The following AGAP1 variants were observed in gnomAD, a reference collection of about 807,000 sequenced individuals.
AGAP1 encodes ArfGAP with GTPase domain, ankyrin repeat and PH domain 1.
Under a neutral mutation model 105.3 loss-of-function variants are expected in AGAP1, and 29 were observed. The ratio of observed to expected loss-of-function variants is 0.28; its 90% CI spans 0.21 to 0.38. The LOEUF (loss-of-function observed/expected upper bound fraction) is 0.38. Ranked by LOEUF, AGAP1 falls within the 10% of genes least tolerant of loss-of-function variation. AGAP1 has a pLI of 1.00. For synonymous variants in AGAP1, 509 were observed against 485.9 expected, an observed-to-expected ratio of 1.05 and a Z score of -0.63; for missense variants, 998 against 1,165.1, an observed-to-expected ratio of 0.86 and a Z score of 2.09.
chr2:235,955,161 T>C (rs2053893990), intron 12 of AGAP1, among the ~76,000 whole-genome samples: 1 of 152,104 alleles, frequency 6.6e-6, no homozygotes, highest in Non-Finnish European at 1.5e-5. Context: ...CGTGGCCAGG[T>C]GGCTAGGCTG....
In AGAP1 at chr2:236,038,496, C is replaced by T. The variant is rs1262846881; in HGVS notation, c.1800+1781C>T. ...CACACCAGCCTTAGAATGCTGCCCT[C>T]GGCCCTCACTAGGCGCCTGTTCTCC... On this transcript the variant is annotated intron_variant, in intron 14 of 17. Coordinates refer to ENST00000304032, the MANE Select transcript of AGAP1 (RefSeq NM_001037131.3). This position sits in a 1 kb window ranked among gnomAD's most constrained non-coding sequence, Gnocchi z 4.5. Among the ~76,000 whole-genome samples, 5 of 152,178 alleles carry T rather than the reference C, an allele frequency of 3.3e-5. No individual in the cohort carries two copies. Among genetic ancestry groups the T allele is most frequent in the African/African-American group, 7.2e-5 (3 of 41,452 alleles).
At chr2:236,108,962 A>G (rs1188691154) in intron 16 of AGAP1, among the ~76,000 whole-genome samples, 1 of 152,128 alleles carries the variant, frequency 6.6e-6, no homozygotes, top group Non-Finnish European at 1.5e-5. Flanking sequence ...CCAACCCATT[A>G]ACCTTATTAC....
chr2:235,677,374 G>A (rs1328816416), intron 1 of AGAP1, among the ~76,000 whole-genome samples: 1 of 152,114 alleles, frequency 6.6e-6, no homozygotes, highest in Non-Finnish European at 1.5e-5. Flanking sequence ...GCTTGTGAAG[G>A]GATTGTTTCG....
In AGAP1 at chr2:236,005,849, A is replaced by G. The variant is rs1387404612; in HGVS notation, c.1646-30712A>G. Among the ~76,000 whole-genome samples, 1 of 152,132 alleles carries G rather than the reference A, an allele frequency of 6.6e-6. No homozygotes were observed. The highest frequency in any genetic ancestry group is 2.4e-5 in the African/African-American group (1 of 41,416). On this transcript the variant is annotated intron_variant, in intron 13 of 17. Transcript: ENST00000304032. The surrounding 1 kb of genome is among the most constrained non-coding windows in gnomAD (Gnocchi z 4.1). The stretch of plus-strand genomic sequence containing the variant: ...CCATCAACTTTATTTATGGCTGCTG[A>G]TGTTGACCTTGATCCTTTGACTTGA...
In AGAP1 at chr2:235,614,008, G is replaced by GT. The variant is rs35126827; in HGVS notation, c.164-95159dup. On this transcript the variant is annotated intron_variant, in intron 1 of 17. Transcript: ENST00000304032. The surrounding 1 kb of genome is among the most constrained non-coding windows in gnomAD (Gnocchi z 4.7). ...GTCAGAATTCAGAATCTTTGGTATG[G>GT]TTTTTTTTTTTTCCCCCTTTTGTGT... Among the ~76,000 whole-genome samples, 104 of 147,710 alleles carry GT rather than the reference G, an allele frequency of 7.0e-4. No individual in the cohort carries two copies. The highest frequency in any genetic ancestry group is 2.6e-3 in the East Asian group (13 of 5,064).
intron 1 of AGAP1, among the ~76,000 whole-genome samples, chr2:235,518,854 C>T (rs192629566): frequency 3.3e-5 from 5 of 152,166 alleles, no homozygotes; most frequent in East Asian, 1.9e-4. Context: ...GCTTGCCTCG[C>T]GGGTGCACTT....
intron 15 of AGAP1, among the ~76,000 whole-genome samples, chr2:236,048,569 TG>T (rs2057795681): frequency 6.6e-6 from 1 of 152,210 alleles, no homozygotes; most frequent in Non-Finnish European, 1.5e-5. Context: ...GCATGCCCGT[TG>T]TGTACCTACT....
rs575426456 is a variant in AGAP1, at chr2:235,728,676, A to G, written c.310+11032A>G. On this transcript the variant is annotated intron_variant, in intron 3 of 17. Transcript: ENST00000304032. This position sits in a 1 kb window ranked among gnomAD's most constrained non-coding sequence, Gnocchi z 4.3. ...TTTATTTTCTGAGCCCCATTTCTTAATGTTGTATATTTTTTTAAAAATTAA... is the reference window on the plus strand; with the variant it reads ...TTTATTTTCTGAGCCCCATTTCTTAGTGTTGTATATTTTTTTAAAAATTAA... 1.3e-5 allele frequency among the ~76,000 whole-genome samples: 2 copies of G among 151,916 alleles called. No homozygotes were observed. Among genetic ancestry groups the G allele is most frequent in the African/African-American group, 4.8e-5 (2 of 41,278 alleles).
intron 1 of AGAP1, among the ~76,000 whole-genome samples, chr2:235,695,993 C>T (rs1949980284): frequency 6.6e-6 from 1 of 152,112 alleles, no homozygotes; most frequent in Non-Finnish European, 1.5e-5. Context: ...ATGGGGTTGT[C>T]GACAGAGGGG....
chr2:236,075,926 G>T (rs986780101), intron 16 of AGAP1, among the ~76,000 whole-genome samples: 4 of 152,170 alleles, frequency 2.6e-5, no homozygotes, highest in Non-Finnish European at 4.4e-5. Flanking sequence ...GCAAACCTCC[G>T]CAGGGAGTGA....
intron 9 of AGAP1, among the ~76,000 whole-genome samples, chr2:235,860,068 A>G (rs544250722): frequency 3.1e-4 from 47 of 152,338 alleles, no homozygotes; most frequent in Non-Finnish European, 5.9e-4. Flanking sequence ...CTAAACCTTC[A>G]TCTCAGTTTG....
chr2:235,640,630 A>G (rs943550764), intron 1 of AGAP1, among the ~76,000 whole-genome samples: 34 of 152,328 alleles, frequency 2.2e-4, no homozygotes, highest in Admixed American at 5.9e-4. Flanking sequence ...AGGAAAAACC[A>G]TGAATGGGGC....
chr2:235,668,952 C>T (rs1948223884), intron 1 of AGAP1, among the ~76,000 whole-genome samples: 1 of 152,080 alleles, frequency 6.6e-6, no homozygotes, highest in Admixed American at 6.5e-5. Flanking sequence ...GCAGTATTCT[C>T]CTGTCTGTTG....
Position 235,792,566 on chromosome 2 carries a change from G to T in AGAP1, c.674-5193G>T, listed in dbSNP as rs1399450997. Among the ~76,000 whole-genome samples, 1 of 152,208 alleles carries T rather than the reference G, an allele frequency of 6.6e-6. No individual in the cohort carries two copies. Among genetic ancestry groups the T allele is most frequent in the Non-Finnish European group, 1.5e-5 (1 of 68,042 alleles). ...GGAGACTCATTTGGAAGTTGCTTTG[G>T]TCACCAGCTGTGGAAGGATAAGTCT... is the stretch of plus-strand genomic sequence containing the variant. On this transcript the variant is annotated intron_variant, in intron 6 of 17. Transcript: ENST00000304032. This position sits in a 1 kb window ranked among gnomAD's most constrained non-coding sequence, Gnocchi z 5.3.
At chr2:235,686,637 A>T (rs1404309072) in intron 1 of AGAP1, among the ~76,000 whole-genome samples, 1 of 51,710 alleles carries the variant, frequency 1.9e-5, no homozygotes, top group Non-Finnish European at 3.8e-5. Context: ...ATATATATAT[A>T]TATATATAGA....
intron 8 of AGAP1, among the ~76,000 whole-genome samples, chr2:235,803,953 C>T (rs1296013667): frequency 5.3e-5 from 8 of 152,162 alleles, no homozygotes; most frequent in Non-Finnish European, 8.8e-5. Flanking sequence ...TTTAGTTTAG[C>T]GGCCCTAGTT....
rs963421997 is a variant in AGAP1 at position 235,611,848 on chromosome 2, C to T, written c.164-97331C>T. Among the ~76,000 whole-genome samples the T allele has an allele frequency of 3.3e-5, 5 of 152,194 alleles. No homozygotes were observed. Among genetic ancestry groups the T allele is most frequent in the Admixed American group, 2.6e-4 (4 of 15,274 alleles). On this transcript the variant is annotated intron_variant, in intron 1 of 17. Transcript: ENST00000304032. This position sits in a 1 kb window ranked among gnomAD's most constrained non-coding sequence, Gnocchi z 5.0. ...TTACATAGGAGACAAAGAAATCCTT[C>T]CCTCCCTGTTCCAGTTGTGGAACAT...
intron 9 of AGAP1, among the ~76,000 whole-genome samples, chr2:235,863,468 C>T (rs2049019717): frequency 1.3e-5 from 2 of 152,230 alleles, no homozygotes; most frequent in South Asian, 2.1e-4. Context: ...TATAGCACCT[C>T]TCGGCTGGGA....
chr2:235,870,404 A>T (rs1273934848), intron 9 of AGAP1, among the ~76,000 whole-genome samples: 1 of 152,214 alleles, frequency 6.6e-6, no homozygotes. Context: ...AGGCAGGTGG[A>T]TCACCTCAGG....
Sources: gnomAD v4.1 joint callset for allele counts (sites outside exome capture counted in the v4.1 genomes callset) on GRCh38, gnomAD v4.1.1 for gene constraint, Gnocchi (gnomAD v3.1) non-coding constraint, MANE v1.5 for transcripts, NCBI Gene and HGNC (gene_info 2026-07-23, HGNC 2026-07-21) for gene names.